PHEX: variants seen among roughly 807,000 people sequenced by gnomAD.
PHEX encodes phosphate regulating endopeptidase X-linked, also known as phosphate-regulating neutral endopeptidase PHEX.
Under a neutral mutation model 68.0 loss-of-function variants are expected in PHEX, and 16 were observed. The observed-to-expected ratio is 0.24, with a 90% CI of 0.16 to 0.36. The LOEUF is 0.36. Among genes scored for constraint, PHEX ranks in the 10% least tolerant of loss-of-function variants. The pLI is 1.00. For synonymous variants in PHEX, 208 were observed against 205.1 expected (o/e 1.01, Z -0.12); for missense variants, 480 against 575.5 (o/e 0.83, Z 1.70).
chrX:22,115,726 A>G (rs1462501453), intron 11 of PHEX, among the ~76,000 whole-genome samples: 3 of 112,452 alleles, frequency 2.7e-5, no homozygotes, highest in African/African-American at 9.7e-5. Context: ...TTCACTTAGC[A>G]TAATGTCCTC....
chrX:22,154,217 T>C (rs190578224), intron 12 of PHEX, among the ~76,000 whole-genome samples: 138 of 111,884 alleles, frequency 1.2e-3, no homozygotes, highest in African/African-American at 4.3e-3. Context: ...GGGAAGGTGG[T>C]AGAGTTTTCT....
chrX:22,104,488 TA>T (rs1233119421), intron 9 of PHEX, among the ~76,000 whole-genome samples: 4 of 111,584 alleles, frequency 3.6e-5, no homozygotes, highest in Non-Finnish European at 7.5e-5. Context: ...TCCCTCATGT[TA>T]TGTGCATCTC....
chrX:22,094,709 G>A (rs368934557), intron 7 of PHEX, among the ~76,000 whole-genome samples: 1 of 111,800 alleles, frequency 8.9e-6, no homozygotes, highest in South Asian at 3.7e-4. Context: ...ATATCATTGT[G>A]TCATATACAT....
intron 20 of PHEX, among the ~76,000 whole-genome samples, chrX:22,233,366 G>A (rs1935838670): frequency 9.0e-6 from 1 of 111,347 alleles, no homozygotes. Flanking sequence ...GTCTTGCTAG[G>A]GAGGGGAAGT....
chrX:22,183,298 G>A (rs1368545274), intron 14 of PHEX, among the ~76,000 whole-genome samples: 1 of 110,899 alleles, frequency 9.0e-6, no homozygotes, highest in Admixed American at 9.6e-5. Flanking sequence ...CCTGCTCTCT[G>A]CCCTTCAAAC....
intron 16 of PHEX, among the ~76,000 whole-genome samples, chrX:22,215,182 G>A: frequency 9.0e-6 from 1 of 111,389 alleles, no homozygotes; most frequent in Middle Eastern, 4.6e-3. Flanking sequence ...CTATTTGTTT[G>A]TACCTTAGGC....
intron 5 of PHEX, among the ~76,000 whole-genome samples, 163 bp from the exon 6 acceptor site, chrX:22,090,266 A>G (rs1221973820): frequency 8.9e-6 from 1 of 112,710 alleles, no homozygotes; most frequent in African/African-American, 3.2e-5. Flanking sequence ...TGTCATTGCC[A>G]AAGTGCCTAT....
chrX:22,223,863 A>T (rs910138828), intron 18 of PHEX, among the ~76,000 whole-genome samples: 5 of 112,988 alleles, frequency 4.4e-5, no homozygotes, highest in African/African-American at 1.6e-4. Flanking sequence ...GTAGCATATT[A>T]GGAAGCAAAG....
chrX:22,224,568 T>C (rs1413013589), intron 18 of PHEX, among the ~76,000 whole-genome samples: 4 of 111,251 alleles, frequency 3.6e-5, no homozygotes, highest in African/African-American at 1.3e-4. Context: ...GGGTGCACAG[T>C]TTAGGCAGAA....
At chrX:22,224,278 C>G (rs1339496439) in intron 18 of PHEX, among the ~76,000 whole-genome samples, 1 of 111,999 alleles carries the variant, frequency 8.9e-6, no homozygotes, top group Non-Finnish European at 1.9e-5. Flanking sequence ...CCACCGCACC[C>G]AGCCCAGGTC....
At chrX:22,126,965 G>T (rs1187544264) in intron 11 of PHEX, among the ~76,000 whole-genome samples, 1 of 92,754 alleles carries the variant, frequency 1.1e-5, no homozygotes, top group Non-Finnish European at 2.0e-5. Context: ...TCCACCTCCC[G>T]GGTTCAAGCG....
At chrX:22,098,584 C>T (rs777881469) in intron 8 of PHEX, among the ~76,000 whole-genome samples, 13 of 100,710 alleles carry the variant, frequency 1.3e-4, no homozygotes, top group Middle Eastern at 5.1e-3. Flanking sequence ...GTCAGGAGTT[C>T]GAGACCAGCC....
chrX:22,107,412 A>C (rs1231153392), intron 9 of PHEX, among the ~76,000 whole-genome samples: 1 of 112,157 alleles, frequency 8.9e-6, no homozygotes. Context: ...CATGGTTCAC[A>C]TGCCTGGTAA....
At chrX:22,043,582 C>A (rs1927381959) in intron 2 of PHEX, among the ~76,000 whole-genome samples, 1 of 111,493 alleles carries the variant, frequency 9.0e-6, no homozygotes, top group African/African-American at 3.3e-5. Context: ...TGTGACGATA[C>A]CATATTGCTA....
rs935444170 is a variant in PHEX at position 22,033,061 on chromosome X, C to A, written c.56C>A (p.Thr19Asn). Residue 19 changes from threonine to asparagine, a missense_variant, in exon 1 of 22, where the codon ACT becomes AAT. Thr to Asn is a moderately conservative substitution (Grantham distance 65). Coordinates refer to ENST00000379374, the MANE Select transcript of PHEX (RefSeq NM_000444.6). ...ACTGGAAAGAAGGCCAACAGAGGCA[C>A]TCGAATTGCCCTGGTCGTGTTTGTC... ...VETGKKANRG[T>N]RIALVVFVGG... The A allele has an allele frequency of 4.1e-6, 5 of 1,210,440 alleles. No individual in the cohort carries two copies. The African/African-American group carries it at 8.7e-5, about 21-fold the overall frequency.
intron 12 of PHEX, among the ~76,000 whole-genome samples, chrX:22,147,138 C>T (rs181247624): frequency 1.8e-5 from 2 of 111,440 alleles, no homozygotes; most frequent in African/African-American, 3.3e-5. Context: ...TAATGCCTGT[C>T]TCTTGTTTCT....
rs34459808 is a variant in PHEX at position 22,075,076 on chromosome X, C to CAAA, written c.350-1299_350-1297dup. On this transcript the variant is annotated intron_variant, in intron 3 of 21. Coordinates refer to ENST00000379374, the MANE Select transcript of PHEX (RefSeq NM_000444.6). ...TGGGTGACAGAGTGATACTCTGTTTCAAAAAAAAAAAAAAATCCTTGGGGC... is the reference window on the plus strand; with the variant it reads ...TGGGTGACAGAGTGATACTCTGTTTCAAAAAAAAAAAAAAAAAATCCTTGGGGC... Among the ~76,000 whole-genome samples, 267 of 89,628 alleles carry CAAA rather than the reference C, an allele frequency of 3.0e-3. 3 individuals are homozygous for CAAA. Among genetic ancestry groups the CAAA allele is most frequent in the African/African-American group, 9.6e-3 (236 of 24,610 alleles). The allele number at this position is 89,628 out of a possible 115,157, so 77.8% of individuals were successfully genotyped here. A position where few individuals can be genotyped will look rare whatever the true frequency, so the allele number is the denominator to read the frequency against.
rs764879376 is a variant in PHEX at position 22,245,918 on chromosome X, C to T, written c.2147+509C>T. Among the ~76,000 whole-genome samples the T allele has an allele frequency of 2.7e-5, 3 of 111,733 alleles. No homozygotes were observed. In the South Asian group the frequency reaches 1.1e-3, roughly 42 times the overall value. ...TGGTTTATTTTGTTTTAAAGAATAT[C>T]CCCTTTAATACCTCTTGTTCTTTCA... On this transcript the variant is annotated intron_variant, in intron 21 of 21. Coordinates refer to ENST00000379374, the MANE Select transcript of PHEX (RefSeq NM_000444.6).
intron 20 of PHEX, among the ~76,000 whole-genome samples, chrX:22,231,017 C>G (rs1935715780): frequency 8.9e-6 from 1 of 112,102 alleles, no homozygotes; most frequent in Non-Finnish European, 1.9e-5. Context: ...AAGGCCTTTT[C>G]TGCATCTATT....
Sources: gnomAD v4.1 joint callset for allele counts (sites outside exome capture counted in the v4.1 genomes callset) on GRCh38, gnomAD v4.1.1 for gene constraint, MANE v1.5 for transcripts, NCBI Gene and HGNC (gene_info 2026-07-23, HGNC 2026-07-21) for gene names.